Variants in CNTN4 observed in about 807,000 individuals in gnomAD.
The protein encoded by CNTN4 is contactin 4, also known as contactin-4.
CNTN4 carries 77 observed loss-of-function variants against 122.5 expected under a neutral mutation model. The observed-to-expected ratio is 0.63, with a 90% CI of 0.52 to 0.76. The LOEUF is 0.76. CNTN4 is among the 30% of genes least tolerant of loss of function. The pLI is 0.00. For synonymous variants in CNTN4, 512 were observed against 447.0 expected, an observed-to-expected ratio of 1.15 and a Z score of -1.83; for missense variants, 1,256 against 1,259.1, an observed-to-expected ratio of 1.00 and a Z score of 0.04.
chr3:2,670,237 G>C (rs183519271), intron 4 of CNTN4, among the ~76,000 whole-genome samples: 14 of 152,156 alleles, frequency 9.2e-5, no homozygotes, highest in African/African-American at 3.1e-4. Context: ...AAGTCCCTTT[G>C]TAGGTCTCTA....
chr3:2,663,812 A>G (rs2084018925), intron 4 of CNTN4, among the ~76,000 whole-genome samples: 1 of 152,220 alleles, frequency 6.6e-6, no homozygotes, highest in South Asian at 2.1e-4. Context: ...CTATTCAGCA[A>G]TAATAGGGAA....
chr3:2,816,007 G>A lies in CNTN4; in HGVS notation c.359-3479G>A, dbSNP rs182519530. On this transcript the variant is annotated intron_variant, in intron 6 of 24. Transcript: ENST00000418658. ...ACTCAGGAATGGAAAACCAAATATC[G>A]TATGTTCTCACTGATATGTGGGAGC... Among the ~76,000 whole-genome samples, 1,045 of 151,840 alleles carry A rather than the reference G, an allele frequency of 6.9e-3. 5 individuals are homozygous for A. Among genetic ancestry groups the A allele is most frequent in the African/African-American group, 0.023 (955 of 41,224 alleles).
intron 12 of CNTN4, among the ~76,000 whole-genome samples, chr3:2,907,118 A>C (rs556534785): frequency 1.8e-4 from 28 of 152,330 alleles, no homozygotes; most frequent in African/African-American, 6.5e-4. Flanking sequence ...CTTGGGTAAG[A>C]CATAATATGA....
At chr3:2,559,710 T>A (rs1385665117) in intron 3 of CNTN4, among the ~76,000 whole-genome samples, 7 of 152,120 alleles carry the variant, frequency 4.6e-5, no homozygotes, top group African/African-American at 1.7e-4. Context: ...TTCTGGAAAA[T>A]GATTTTATAC....
rs75396400 is a variant in CNTN4 at position 2,195,255 on chromosome 3, A to G, written c.-145+94616A>G. 5.8e-3 allele frequency among the ~76,000 whole-genome samples: 881 copies of G among 152,338 alleles called. 12 individuals are homozygous for G. The highest frequency in any genetic ancestry group is 0.02 in the African/African-American group (832 of 41,584). On this transcript the variant is annotated intron_variant, in intron 2 of 24. Coordinates refer to ENST00000418658, the MANE Select transcript of CNTN4 (RefSeq NM_175607.3). ...ATGTTGTCAGAAATGACAGGATTTC[A>G]TTCTTTTTCATGTCTGAATAGTATT... is the stretch of plus-strand genomic sequence containing the variant.
At chr3:2,830,219 G>T (rs534039242) in intron 7 of CNTN4, among the ~76,000 whole-genome samples, 1 of 152,170 alleles carries the variant, frequency 6.6e-6, no homozygotes, top group South Asian at 2.1e-4. Flanking sequence ...TTTAATGATA[G>T]GCACTATGTA....
At chr3:2,785,532 T>C (rs1416236814) in intron 6 of CNTN4, among the ~76,000 whole-genome samples, 1 of 152,206 alleles carries the variant, frequency 6.6e-6, no homozygotes, top group African/African-American at 2.4e-5. Context: ...AAATAATGTT[T>C]AAGCTTTGCA....
intron 4 of CNTN4, among the ~76,000 whole-genome samples, chr3:2,713,382 A>G (rs1450954954): frequency 2.0e-5 from 3 of 152,180 alleles, no homozygotes; most frequent in African/African-American, 4.8e-5. Flanking sequence ...AAGGAAAACT[A>G]TTTTTATGTT....
intron 3 of CNTN4, among the ~76,000 whole-genome samples, chr3:2,568,793 G>C (rs557260270): frequency 6.6e-6 from 1 of 152,086 alleles, no homozygotes; most frequent in Non-Finnish European, 1.5e-5. Context: ...AATAGGATTC[G>C]TGAAATTCTT....
intron 4 of CNTN4, among the ~76,000 whole-genome samples, chr3:2,720,413 A>G (rs917635845): frequency 6.6e-6 from 1 of 152,212 alleles, no homozygotes; most frequent in Admixed American, 6.5e-5. Context: ...TAACTCGTTC[A>G]GAGACCTGGG....
At chr3:2,252,641 T>A (rs1057107694) in intron 2 of CNTN4, among the ~76,000 whole-genome samples, 1 of 152,110 alleles carries the variant, frequency 6.6e-6, no homozygotes, top group Non-Finnish European at 1.5e-5. Context: ...AGATTTAATA[T>A]GGCTAATGAT....
chr3:2,927,113 A>C (rs1248877623), intron 13 of CNTN4, among the ~76,000 whole-genome samples: 1 of 151,044 alleles, frequency 6.6e-6, no homozygotes, highest in Non-Finnish European at 1.5e-5. Context: ...ACATTTTAAA[A>C]GTTTTAATTT....
At position 3,026,258 on chromosome 3, in the gene CNTN4, A is replaced by G; in HGVS notation, c.1643A>G (p.His548Arg). Residue 548 changes from histidine (H) to arginine (R), a missense_variant, in exon 15 of 25, where the codon CAC becomes CGC. His to Arg is a conservative substitution (Grantham distance 29, BLOSUM62 0). Transcript: ENST00000418658. ...HLIDFDRDGD[H>R]FERVGGQDSA... ...ATAGACTTTGACAGAGATGGGGACC[A>G]CTTTGAAAGAGTTGGAGGGGTAAGT... 1 of 1,613,402 alleles carries G rather than the reference A, an allele frequency of 6.2e-7. No individual in the cohort carries two copies. The highest frequency in any genetic ancestry group is 8.5e-7 in the Non-Finnish European group (1 of 1,179,458).
At chr3:2,984,310 G>T (rs2125242873) in intron 13 of CNTN4, among the ~76,000 whole-genome samples, 1 of 152,302 alleles carries the variant, frequency 6.6e-6, no homozygotes, top group African/African-American at 2.4e-5. Context: ...CATTATAGAA[G>T]AAGGGATTTT....
intron 12 of CNTN4, among the ~76,000 whole-genome samples, chr3:2,920,447 C>A (rs1289973709): frequency 2.0e-5 from 3 of 151,484 alleles, no homozygotes; most frequent in African/African-American, 7.3e-5. Flanking sequence ...GTATCAGTTT[C>A]TTTGTTTTTG....
intron 6 of CNTN4, among the ~76,000 whole-genome samples, chr3:2,768,245 A>G (rs561905500): frequency 6.6e-6 from 1 of 152,324 alleles, no homozygotes; most frequent in South Asian, 2.1e-4. Context: ...CATCACAAGC[A>G]TCTTCCTCTT....
intron 3 of CNTN4, among the ~76,000 whole-genome samples, chr3:2,496,237 G>A (rs955655409): frequency 7.2e-5 from 11 of 152,080 alleles, no homozygotes; most frequent in African/African-American, 1.4e-4. Flanking sequence ...GATGACGTCC[G>A]ATGTGCTTAC....
intron 2 of CNTN4, among the ~76,000 whole-genome samples, chr3:2,264,083 C>T (rs1490134797): frequency 6.6e-6 from 1 of 152,150 alleles, no homozygotes; most frequent in African/African-American, 2.4e-5. Flanking sequence ...CACGGCAGTG[C>T]AGATATCTCT....
At chr3:2,750,628 C>T (rs536304164) in intron 6 of CNTN4, among the ~76,000 whole-genome samples, 8 of 152,230 alleles carry the variant, frequency 5.3e-5, no homozygotes, top group Admixed American at 4.6e-4. Context: ...TTTTGTTTTT[C>T]AGTCTCTCTG....
Sources: allele counts gnomAD v4.1 joint callset (sites outside exome capture counted in the v4.1 genomes callset), GRCh38; gene constraint gnomAD v4.1.1; transcripts MANE v1.5; gene names NCBI Gene and HGNC (gene_info 2026-07-23, HGNC 2026-07-21).